Variants in MARCHF1 observed in about 807,000 individuals in gnomAD.
MARCHF1 encodes the protein membrane associated ring-CH-type finger 1, also known as E3 ubiquitin-protein ligase MARCHF1.
MARCHF1 carries 40 observed loss-of-function variants against 54.2 expected under a neutral mutation model. That is an observed-to-expected ratio of 0.74 (90% confidence interval 0.57 to 0.96). MARCHF1 has a LOEUF of 0.96. Among genes scored for constraint, MARCHF1 ranks in the 40% least tolerant of loss-of-function variants. The probability of loss-of-function intolerance (pLI) is 0.00; values close to 1 mark genes in which losing one functional copy is unlikely to be tolerated. For missense variants in MARCHF1, 586 were observed against 656.5 expected (o/e 0.89, Z 1.17); for synonymous variants, 236 against 236.3 (o/e 1.00, Z 0.01).
chr4:163,868,768 A>T (rs201661581), intron 3 of MARCHF1, among the ~76,000 whole-genome samples: 3 of 124,200 alleles, frequency 2.4e-5, no homozygotes, highest in African/African-American at 6.2e-5. Context: ...CTGGTGATTT[A>T]AAAAAAAATG....
intron 2 of MARCHF1, among the ~76,000 whole-genome samples, chr4:164,072,704 TAAAAA>T (rs3029712): frequency 1.3e-4 from 18 of 136,358 alleles, no homozygotes; most frequent in African/African-American, 2.1e-4. Flanking sequence ...TTTTCTCTAG[TAAAAA>T]AAAAAAAAAA....
chr4:163,962,933 A>C (rs1053617779), intron 3 of MARCHF1, among the ~76,000 whole-genome samples: 1 of 151,878 alleles, frequency 6.6e-6, no homozygotes, highest in Non-Finnish European at 1.5e-5. Context: ...AGTACTCTGA[A>C]CAACAGAGCC....
chr4:163,749,293 T>C (rs1217905791), intron 4 of MARCHF1, among the ~76,000 whole-genome samples: 1 of 67,214 alleles, frequency 1.5e-5, no homozygotes, highest in East Asian at 2.0e-4. Context: ...CTAGTATTGC[T>C]TTTTTTTTCT....
chr4:163,913,302 A>G (rs1490878414), intron 3 of MARCHF1, among the ~76,000 whole-genome samples: 1 of 152,066 alleles, frequency 6.6e-6, no homozygotes, highest in Admixed American at 6.6e-5. Flanking sequence ...TTATAATGTT[A>G]TTGATTAATT....
At position 164,087,197 on chromosome 4, in the gene MARCHF1, G is replaced by A. The variant is rs1579522029; in HGVS notation, c.-248+24391C>T. Among the ~76,000 whole-genome samples the A allele has an allele frequency of 2.0e-5, 3 of 151,966 alleles. No homozygotes were observed. The East Asian group carries it at 5.8e-4, about 29-fold the overall frequency. ...TTTTTTCTAAATAATTAAGAATGCT[G>A]AAAAGGAGACAATAACTATTCAAGC... On this transcript the variant is annotated intron_variant, in intron 2 of 9. Coordinates refer to ENST00000514618, the MANE Select transcript of MARCHF1 (RefSeq NM_001394959.1).
intron 3 of MARCHF1, among the ~76,000 whole-genome samples, chr4:163,975,749 A>G (rs1752637195): frequency 6.6e-6 from 1 of 152,208 alleles, no homozygotes. Flanking sequence ...AACAATATGG[A>G]TTCTGAGAAT....
At chr4:163,812,593 T>C (rs1180450228) in intron 4 of MARCHF1, among the ~76,000 whole-genome samples, 1 of 151,972 alleles carries the variant, frequency 6.6e-6, no homozygotes, top group Non-Finnish European at 1.5e-5. Context: ...CCCTGTCTCT[T>C]CTGAATTTAC....
At chr4:164,102,485 CA>C (rs1356179267) in intron 2 of MARCHF1, among the ~76,000 whole-genome samples, 1 of 146,824 alleles carries the variant, frequency 6.8e-6, no homozygotes, top group African/African-American at 2.5e-5. Flanking sequence ...AAAGAATTTT[CA>C]ACCCAGAACT....
rs77198047 is a variant in MARCHF1, at chr4:164,109,487, T to G, written c.-248+2101A>C. On this transcript the variant is annotated intron_variant, in intron 2 of 9. Transcript: ENST00000514618. ...TTCATATACAGTACATGAAGAAGAATAATTATCTCACTATGTCTTCTTTTT... is the reference window on the plus strand; with the variant it reads ...TTCATATACAGTACATGAAGAAGAAGAATTATCTCACTATGTCTTCTTTTT... Among the ~76,000 whole-genome samples the G allele has an allele frequency of 1.3e-4, 20 of 152,140 alleles. No individual in the cohort carries two copies. In the East Asian group the frequency reaches 3.9e-3, roughly 29 times the overall value.
chr4:164,230,986 T>A (rs1732399795), intron 1 of MARCHF1, among the ~76,000 whole-genome samples: 1 of 152,078 alleles, frequency 6.6e-6, no homozygotes, highest in South Asian at 2.1e-4. Flanking sequence ...TATGTAAAAA[T>A]AGAACACAAA....
chr4:163,866,498 TTTATA>T (rs1293122981), intron 3 of MARCHF1, among the ~76,000 whole-genome samples: 5 of 100,428 alleles, frequency 5.0e-5, no homozygotes, highest in African/African-American at 1.4e-4. Flanking sequence ...ACTGTAGTAG[TTTATA>T]TAATATATAT....
At position 163,778,846 on chromosome 4, in the gene MARCHF1, A is replaced by G. The variant is rs138852283; in HGVS notation, c.111+75175T>C. ...TGTGGAGTAATAGACAATAGAGACT[A>G]GAATGAGTGAGAGGGTGGGAGGGGG... On this transcript the variant is annotated intron_variant, in intron 4 of 9. Coordinates refer to ENST00000514618, the MANE Select transcript of MARCHF1 (RefSeq NM_001394959.1). Among the ~76,000 whole-genome samples the G allele has an allele frequency of 3.4e-3, 518 of 152,206 alleles. 1 individual carries two copies. Among genetic ancestry groups the G allele is most frequent in the African/African-American group, 0.011 (462 of 41,526 alleles).
chr4:164,160,961 TAAG>T (rs1730217198), intron 1 of MARCHF1, among the ~76,000 whole-genome samples: 1 of 152,140 alleles, frequency 6.6e-6, no homozygotes, highest in African/African-American at 2.4e-5. Context: ...GACAAAAATC[TAAG>T]AATAACATGA....
intron 1 of MARCHF1, among the ~76,000 whole-genome samples, chr4:164,121,172 T>C (rs1012691077): frequency 6.6e-6 from 1 of 152,088 alleles, no homozygotes; most frequent in African/African-American, 2.4e-5. Flanking sequence ...AAAGGATCGT[T>C]TGTGGCTACT....
At chr4:164,099,657 A>G (rs1474174976) in intron 2 of MARCHF1, among the ~76,000 whole-genome samples, 1 of 152,190 alleles carries the variant, frequency 6.6e-6, no homozygotes, top group East Asian at 1.9e-4. Context: ...AAAACAAATG[A>G]AATAGAAAGT....
In MARCHF1 at chr4:164,267,317, TGAATA is replaced by T. The variant is rs541863507; in HGVS notation, c.-323+116548_-323+116552del. Reference sequence around the variant, plus strand: ...GCTGGTCCCAGGTACTTGTTTCTATTGAATAGAATAGAACAAAAGTAATGAGATGC... The same window carrying T: ...GCTGGTCCCAGGTACTTGTTTCTATTGAATAGAACAAAAGTAATGAGATGC... On this transcript the variant is annotated intron_variant, in intron 1 of 9. Coordinates refer to ENST00000514618, the MANE Select transcript of MARCHF1 (RefSeq NM_001394959.1). Among the ~76,000 whole-genome samples the T allele has an allele frequency of 1.4e-3, 208 of 152,282 alleles. 1 individual carries two copies. Among genetic ancestry groups the T allele is most frequent in the African/African-American group, 4.7e-3 (197 of 41,560 alleles).
intron 5 of MARCHF1, among the ~76,000 whole-genome samples, chr4:163,670,230 T>G (rs1437106083): frequency 6.6e-6 from 1 of 151,894 alleles, no homozygotes; most frequent in Non-Finnish European, 1.5e-5. Context: ...TTTTTCTAAG[T>G]CAGACATAAA....
At chr4:163,978,151 G>T (rs1752685814) in intron 3 of MARCHF1, among the ~76,000 whole-genome samples, 1 of 152,098 alleles carries the variant, frequency 6.6e-6, no homozygotes, top group African/African-American at 2.4e-5. Context: ...CTTATCTAAG[G>T]CAAACAAACA....
chr4:164,083,315 A>G (rs1232836372), intron 2 of MARCHF1, among the ~76,000 whole-genome samples: 4 of 152,212 alleles, frequency 2.6e-5, no homozygotes, highest in East Asian at 1.9e-4. Flanking sequence ...TTATCTTTCA[A>G]TAATCATCTG....
Sources: allele counts gnomAD v4.1 joint callset (sites outside exome capture counted in the v4.1 genomes callset), GRCh38; gene constraint gnomAD v4.1.1; transcripts MANE v1.5; gene names NCBI Gene and HGNC (gene_info 2026-07-23, HGNC 2026-07-21).